Variants in ZNFX1 observed in about 807,000 individuals in gnomAD.
ZNFX1 encodes the protein NFX1-type zinc finger-containing protein 1.
A neutral mutation model predicts 179.8 loss-of-function variants in ZNFX1; 78 were observed. That is an observed-to-expected ratio of 0.43 (90% CI 0.36 to 0.52). ZNFX1 has a LOEUF of 0.52. ZNFX1 is among the 20% of genes least tolerant of loss of function. The pLI is 0.00. For missense variants in ZNFX1, 1,927 were observed against 2,386.6 expected (o/e 0.81, Z 4.01); for synonymous variants, 848 against 868.5 (o/e 0.98, Z 0.42).
At chr20:49,261,718 T>C (rs1981117151) in intron 6 of ZNFX1, among the ~76,000 whole-genome samples, 1 of 151,156 alleles carries the variant, frequency 6.6e-6, no homozygotes, top group African/African-American at 2.4e-5. Context: ...CGATCTCGGC[T>C]CACTGCAAGC....
In ZNFX1 at chr20:49,247,405, C is replaced by CT. The variant is rs777427432; in HGVS notation, c.5618dup (p.Glu1874GlyfsTer19). 2.5e-6 allele frequency: 4 copies of CT among 1,614,060 alleles called. No individual in the cohort carries two copies. Among genetic ancestry groups the CT allele is most frequent in the Non-Finnish European group, 3.4e-6 (4 of 1,180,052 alleles). On this transcript the variant is annotated frameshift_variant, in exon 14 of 14. Coordinates refer to ENST00000396105, the MANE Select transcript of ZNFX1 (RefSeq NM_021035.3). LOFTEE classifies it high-confidence loss of function. ...TATGATTTGTGCCACCAATCACTTC[C>CT]TTACAGTCAGGACACGTGCCCCTCT...
In ZNFX1 at chr20:49,270,392, G is replaced by C. The variant is rs140735573; in HGVS notation, c.1420C>G (p.Gln474Glu). The change falls in exon 3 of 14, where the codon CAG (glutamine) becomes GAG (glutamate). Residue 474 changes from glutamine (Q) to glutamate (E), a missense_variant. Gln to Glu is a conservative substitution (Grantham distance 29). Transcript: ENST00000396105. The surrounding 1 kb of genome is among the most constrained non-coding windows in gnomAD (Gnocchi z 4.6). ...ACAATTCCTCGGCAGAGATCTTCCT[G>C]CTCCCTGTTAGATACGGTGGCAAAA... ...FLFATVSNRE[Q>E]EDLCRGIVQL... The C allele has an allele frequency of 3.3e-5, 53 of 1,614,204 alleles. No individual in the cohort carries two copies. The African/African-American group carries it at 5.3e-4, about 16-fold the overall frequency.
In ZNFX1 at chr20:49,271,206, C is replaced by T. The variant is rs377169981; in HGVS notation, c.606G>A (p.Gln202=). The T allele has an allele frequency of 5.0e-6, 8 of 1,614,146 alleles. No homozygotes were observed. The South Asian group carries it at 6.6e-5, about 13-fold the overall frequency. Residue 202 remains glutamine (Q), a synonymous_variant, in exon 3 of 14, where the codon CAG becomes CAA. Coordinates refer to ENST00000396105, the MANE Select transcript of ZNFX1 (RefSeq NM_021035.3). ...RKACSSKMDR[Q]SVLHVLGILK... The stretch of plus-strand genomic sequence containing the variant: ...ATATGCCCAGTACATGGAGAACACT[C>T]TGGCGATCCATTTTGGAGCTACAAG...
rs1307746767 is a variant in ZNFX1 at position 49,271,483 on chromosome 20, T to C, written c.329A>G (p.Gln110Arg). 1.9e-6 allele frequency: 3 copies of C among 1,614,198 alleles called. No individual in the cohort carries two copies. The Admixed American group carries it at 5.0e-5, about 27-fold the overall frequency. ...ENDTRWRNGN[Q>R]DCRNRRPPWS... ...TGGTGGTCTGCGGTTCCTACAGTCC[T>C]GGTTGCCATTTCTCCACCTGGTGTC... Residue 110 changes from glutamine (Q) to arginine (R), a missense_variant, in exon 3 of 14, where the codon CAG (glutamine) becomes CGG (arginine). By Grantham distance (43) the Gln-to-Arg change is conservative. Coordinates refer to ENST00000396105, the MANE Select transcript of ZNFX1 (RefSeq NM_021035.3).
At chr20:49,277,894 G>C (rs999231706) in intron 1 of ZNFX1, 127 bp downstream of exon 1, 6 of 153,956 alleles carry the variant, frequency 3.9e-5, no homozygotes, top group African/African-American at 1.4e-4. Flanking sequence ...GCGGGTGACG[G>C]GTGCGTTGGG....
intron 8 of ZNFX1, 75 bp downstream of exon 8, chr20:49,257,342 A>G: frequency 4.4e-6 from 7 of 1,580,654 alleles, no homozygotes; most frequent in Admixed American, 3.4e-5. Context: ...AAGTGAATAT[A>G]CTGTATCAGA....
chr20:49,263,408 C>T lies in ZNFX1; in HGVS notation c.2227G>A (p.Val743Ile), dbSNP rs749501083. The change falls in exon 6 of 14, where the codon GTC (valine) becomes ATC (isoleucine). Residue 743 changes from valine (V) to isoleucine (I), a missense_variant. By Grantham distance (29) the Val-to-Ile change is conservative (BLOSUM62 3). Transcript: ENST00000396105. ...TTCTGCAGGTACTGTTCCCGTAGGA[C>T]ACCACGCATGGTGCACTCCAGGGTC... is the stretch of plus-strand genomic sequence containing the variant. ...AKTLECTMRG[V>I]LREQYLQKYI... 4.3e-6 allele frequency: 7 copies of T among 1,613,658 alleles called. No homozygotes were observed. The highest frequency in any genetic ancestry group is 2.2e-5 in the East Asian group (1 of 44,876).
Position 49,271,681 on chromosome 20 carries a change from C to T in ZNFX1, c.131G>A (p.Arg44Gln), listed in dbSNP as rs1445932040. 1.8e-5 allele frequency: 29 copies of T among 1,613,640 alleles called. No individual in the cohort carries two copies. Among genetic ancestry groups the T allele is most frequent in the East Asian group, 4.5e-5 (2 of 44,864 alleles). ...QANNPPANALRGGASHPGRHP... is the reference protein window; with the variant it reads ...QANNPPANALQGGASHPGRHP... ...CCTTCCAGGGTGGCTGGCTCCTCCT[C>T]GGAGAGCATTGGCTGGTGGGTTATT... Residue 44 changes from arginine to glutamine, a missense_variant, in exon 3 of 14, where the codon CGA becomes CAA. Physicochemically the swap from Arg to Gln is conservative, Grantham distance 43. Coordinates refer to ENST00000396105, the MANE Select transcript of ZNFX1 (RefSeq NM_021035.3).
chr20:49,257,992 G>A (rs577713042), intron 7 of ZNFX1, among the ~76,000 whole-genome samples: 4 of 151,912 alleles, frequency 2.6e-5, no homozygotes, highest in Non-Finnish European at 4.4e-5. Flanking sequence ...GATTACAGGC[G>A]TGAGCCACCG....
Position 49,270,858 on chromosome 20 carries a change from G to A in ZNFX1, c.954C>T (p.Thr318=), listed in dbSNP as rs779927671. ...KRREGTLRVD[T]YTLVQPEAED... ...CTGCCTCAGGCTGCACTAGAGTGTA[G>A]GTATCCACTCTCAAAGTGCCCTCTC... The change falls in exon 3 of 14, where the codon ACC becomes ACT. Residue 318 remains threonine (T), a synonymous_variant. Transcript: ENST00000396105. The surrounding 1 kb of genome is among the most constrained non-coding windows in gnomAD (Gnocchi z 4.6). 2.6e-5 allele frequency: 42 copies of A among 1,613,936 alleles called. No individual in the cohort carries two copies. Among genetic ancestry groups the A allele is most frequent in the Middle Eastern group, 1.6e-4 (1 of 6,084 alleles).
rs1276503049 is a variant in ZNFX1, at chr20:49,248,751, C to A, written c.4273G>T (p.Gly1425Cys). Residue 1425 changes from glycine to cysteine, a missense_variant, in exon 14 of 14, where the codon GGT (glycine) becomes TGT (cysteine). Gly to Cys is a radical substitution (Grantham distance 159). Coordinates refer to ENST00000396105, the MANE Select transcript of ZNFX1 (RefSeq NM_021035.3). The surrounding 1 kb of genome is among the most constrained non-coding windows in gnomAD (Gnocchi z 4.6). ...KCGHVEGLLY[G>C]GLLVKCTTKC... is the part of the protein sequence containing the mutation. The stretch of plus-strand genomic sequence containing the variant: ...GTGGTACACTTGACTAGCAGACCAC[C>A]ATACAGGAGGCCTTCCACATGACCA... 2 of 1,613,770 alleles carry A rather than the reference C, an allele frequency of 1.2e-6. No individual in the cohort carries two copies. The highest frequency in any genetic ancestry group is 3.3e-5 in the Admixed American group (2 of 60,026).
At chr20:49,267,536 A>G (rs962400422) in intron 3 of ZNFX1, among the ~76,000 whole-genome samples, 4 of 149,308 alleles carry the variant, frequency 2.7e-5, no homozygotes, top group African/African-American at 4.9e-5. Flanking sequence ...TTTTTTAAAG[A>G]CTTCTTCCTG....
intron 2 of ZNFX1, among the ~76,000 whole-genome samples, chr20:49,274,714 G>A (rs1981507586): frequency 6.6e-6 from 1 of 151,862 alleles, no homozygotes; most frequent in Non-Finnish European, 1.5e-5. Flanking sequence ...AACCGAGATC[G>A]CACCACTGCA....
intron 7 of ZNFX1, among the ~76,000 whole-genome samples, chr20:49,259,050 C>T (rs757171854): frequency 6.8e-5 from 10 of 147,564 alleles, no homozygotes; most frequent in East Asian, 3.9e-4. Context: ...TGCAGTGAGC[C>T]GAGATCACAC....
Position 49,248,786 on chromosome 20 carries a change from G to T in ZNFX1, c.4238C>A (p.Pro1413Gln). 3.1e-6 allele frequency: 5 copies of T among 1,614,168 alleles called. No individual in the cohort carries two copies. Among genetic ancestry groups the T allele is most frequent in the Non-Finnish European group, 4.2e-6 (5 of 1,180,046 alleles). ...TIKLKCGHSQ[P>Q]VKCGHVEGLL... ...GCCTTCCACATGACCACATTTTACC[G>T]GTTGACTGTGCCCACACTTGAGTTT... The change falls in exon 14 of 14, where the codon CCG (proline) becomes CAG (glutamine). Residue 1413 changes from proline (P) to glutamine (Q), a missense_variant. By Grantham distance (76) the Pro-to-Gln change is moderately conservative. Coordinates refer to ENST00000396105, the MANE Select transcript of ZNFX1 (RefSeq NM_021035.3). The surrounding 1 kb of genome is among the most constrained non-coding windows in gnomAD (Gnocchi z 4.6).
intron 3 of ZNFX1, among the ~76,000 whole-genome samples, chr20:49,267,477 G>GT (rs10695260): frequency 0.48 from 68,204 of 141,028 alleles, 16,747 homozygotes; most frequent in Middle Eastern, 0.6. Flanking sequence ...GTTACATAAA[G>GT]TTTTTTTTTT....
At chr20:49,256,333 T>C (rs1395632824) in intron 8 of ZNFX1, among the ~76,000 whole-genome samples, 2 of 152,222 alleles carry the variant, frequency 1.3e-5, no homozygotes, top group African/African-American at 4.8e-5. Context: ...TTAAACATCT[T>C]TGACCATAGC....
At chr20:49,277,171 C>T (rs1416686984) in intron 1 of ZNFX1, among the ~76,000 whole-genome samples, 2 of 152,004 alleles carry the variant, frequency 1.3e-5, no homozygotes, top group African/African-American at 4.8e-5. Context: ...GGCCTGGAGT[C>T]AGAATGAGAG....
At chr20:49,271,853 C>T (rs1186682755) in intron 2 of ZNFX1, 103 bp from the exon 3 acceptor site, 1 of 1,370,980 alleles carries the variant, frequency 7.3e-7, no homozygotes, top group Non-Finnish European at 9.8e-7. Context: ...AACTAAAGAG[C>T]TCAGGTTTTA....
Sources: allele counts gnomAD v4.1 joint callset (sites outside exome capture counted in the v4.1 genomes callset), GRCh38; gene constraint gnomAD v4.1.1; non-coding constraint Gnocchi (gnomAD v3.1); transcripts MANE v1.5; gene names NCBI Gene and HGNC (gene_info 2026-07-23, HGNC 2026-07-21).